The following EML5 variants were observed in gnomAD, a reference collection of about 807,000 sequenced individuals.
EML5 encodes the protein echinoderm microtubule-associated protein-like 5.
EML5 carries 120 observed loss-of-function variants against 250.0 expected under a neutral mutation model. The observed-to-expected ratio is 0.48, with a 90% CI of 0.41 to 0.56. The LOEUF (loss-of-function observed/expected upper bound fraction) is 0.56. Among genes scored for constraint, EML5 ranks in the 20% least tolerant of loss-of-function variants. The pLI is 0.00. For missense variants in EML5, 2,006 were observed against 2,437.6 expected (o/e 0.82, Z 3.73); for synonymous variants, 771 against 806.5 (o/e 0.96, Z 0.75).
intron 9 of EML5, among the ~76,000 whole-genome samples, chr14:88,714,264 A>G (rs548967478): frequency 6.6e-6 from 1 of 152,356 alleles, no homozygotes; most frequent in African/African-American, 2.4e-5. Context: ...GTACTTTACC[A>G]TACACTATAC....
chr14:88,682,721 A>C (rs2092742129), intron 20 of EML5, among the ~76,000 whole-genome samples: 1 of 152,106 alleles, frequency 6.6e-6, no homozygotes, highest in Non-Finnish European at 1.5e-5. Context: ...ATTCTTGTTG[A>C]GCTCAGCTGA....
chr14:88,626,708 A>G, intron 35 of EML5, 130 bp downstream of exon 35: 1 of 889,152 alleles, frequency 1.1e-6, no homozygotes, highest in Non-Finnish European at 1.7e-6. Flanking sequence ...GATGAAATAT[A>G]TGCTTGACCA....
intron 21 of EML5, among the ~76,000 whole-genome samples, chr14:88,677,316 AGACTTAAAT>A (rs2092617684): frequency 6.6e-6 from 1 of 152,248 alleles, no homozygotes; most frequent in South Asian, 2.1e-4. Context: ...GATGGATTAA[AGACTTAAAT>A]GTAAAACCCA....
At chr14:88,719,970 C>T (rs1277804383) in intron 8 of EML5, among the ~76,000 whole-genome samples, 1 of 152,062 alleles carries the variant, frequency 6.6e-6, no homozygotes, top group African/African-American at 2.4e-5. Flanking sequence ...CCATTGACCC[C>T]ACAGAAATAC....
Position 88,740,549 on chromosome 14 carries a change from A to G in EML5, c.549T>C (p.Ala183=), listed in dbSNP as rs1005283328. 2 of 1,610,592 alleles carry G rather than the reference A, an allele frequency of 1.2e-6. No homozygotes were observed. Among genetic ancestry groups the G allele is most frequent in the African/African-American group, 1.3e-5 (1 of 74,762 alleles). The change falls in exon 5 of 44, where the codon GCT becomes GCC. Residue 183 remains alanine, a synonymous_variant. Coordinates refer to ENST00000554922, the MANE Select transcript of EML5 (RefSeq NM_183387.3). ...CAAAGACACCTCGTTTTGGGGTCAG[A>G]GCATTTCCACATAAACTCCAGAACT... ...HIKFWSLCGN[A]LTPKRGVFGK... is the part of the protein sequence containing the mutation.
At position 88,643,014 on chromosome 14, in the gene EML5, C is replaced by T. The variant is rs1239106007; in HGVS notation, c.4116G>A (p.Val1372=). 6.3e-7 allele frequency: 1 copy of T among 1,590,746 alleles called. No individual in the cohort carries two copies. Among genetic ancestry groups the T allele is most frequent in the Non-Finnish European group, 8.5e-7 (1 of 1,173,810 alleles). The part of the protein sequence containing the change: ...GKKKRPIEDL[V]LELIFGYRGR... ...CTCGATAACCAAAAATGAGCTCCAA[C>T]ACAAGGTCCTATAATGATAATAATA... The change falls in exon 31 of 44, where the codon GTG becomes GTA. Residue 1372 remains valine, a synonymous_variant. Transcript: ENST00000554922.
chr14:88,659,404 G>C (rs2091994560), intron 25 of EML5, among the ~76,000 whole-genome samples: 1 of 152,100 alleles, frequency 6.6e-6, no homozygotes, highest in Non-Finnish European at 1.5e-5. Context: ...TAGAGACGGG[G>C]TTTCACCATG....
At position 88,618,676 on chromosome 14, in the gene EML5, A is replaced by C; in HGVS notation, c.5512T>G (p.Phe1838Val). 5 of 1,613,008 alleles carry C rather than the reference A, an allele frequency of 3.1e-6. No homozygotes were observed. The highest frequency in any genetic ancestry group is 4.2e-6 in the Non-Finnish European group (5 of 1,179,508). Reference sequence around the variant, plus strand: ...TGGAGATAACTGCTATCTGCAGAGAAGTCCATTTGAATGACAAAGCTTGGA... The same window carrying C: ...TGGAGATAACTGCTATCTGCAGAGACGTCCATTTGAATGACAAAGCTTGGA... Reference protein sequence around the residue: ...DIPSFVIQMDFSADSSYLQVS... With the variant: ...DIPSFVIQMDVSADSSYLQVS... Residue 1838 changes from phenylalanine (F) to valine (V), a missense_variant, in exon 40 of 44, where the codon TTC becomes GTC. Physicochemically the swap from Phe to Val is conservative, Grantham distance 50. Coordinates refer to ENST00000554922, the MANE Select transcript of EML5 (RefSeq NM_183387.3).
intron 22 of EML5, among the ~76,000 whole-genome samples, chr14:88,665,134 A>T (rs917530244): frequency 9.9e-5 from 15 of 152,232 alleles, no homozygotes; most frequent in Admixed American, 3.9e-4. Context: ...CAAGTCACAC[A>T]GAAAATTTAG....
chr14:88,761,544 G>A (rs920703260), intron 1 of EML5, among the ~76,000 whole-genome samples: 1 of 152,188 alleles, frequency 6.6e-6, no homozygotes, highest in Non-Finnish European at 1.5e-5. Flanking sequence ...TTTTATGGCT[G>A]CATAGCATTC....
At chr14:88,777,745 G>A (rs1191324775) in intron 1 of EML5, among the ~76,000 whole-genome samples, 2 of 152,248 alleles carry the variant, frequency 1.3e-5, no homozygotes, top group Admixed American at 1.3e-4. Flanking sequence ...GGGAGCTGAG[G>A]CAGGCAGATT....
intron 31 of EML5, among the ~76,000 whole-genome samples, chr14:88,639,694 A>G (rs2090950161): frequency 6.6e-6 from 1 of 152,098 alleles, no homozygotes; most frequent in Non-Finnish European, 1.5e-5. Flanking sequence ...CTCATGCCTC[A>G]GCCTCCCAAG....
intron 24 of EML5, among the ~76,000 whole-genome samples, chr14:88,662,448 A>G (rs1430828508): frequency 6.7e-6 from 1 of 149,476 alleles, no homozygotes; most frequent in Non-Finnish European, 1.5e-5. Context: ...CAATACTCCA[A>G]TCTTAGATGG....
Position 88,661,782 on chromosome 14 carries a change from A to G in EML5, c.3547T>C (p.Cys1183Arg). ...CCAATTACTGGCCAAATTCCTTCAC[A>G]GCATAAACCAAGTACACTTGTCCAT... ...ASWTSVLGLCCEGIWPVIGEV... is the reference protein window; with the variant it reads ...ASWTSVLGLCREGIWPVIGEV... Residue 1183 changes from cysteine to arginine, a missense_variant, in exon 25 of 44, where the codon TGT becomes CGT. This residue lies in a region of EML5 where 1,375 missense variants were observed against 1,590.3 expected (regional missense o/e 0.86). Coordinates refer to ENST00000554922, the MANE Select transcript of EML5 (RefSeq NM_183387.3). 1 of 1,613,710 alleles carries G rather than the reference A, an allele frequency of 6.2e-7. No individual in the cohort carries two copies. The highest frequency in any genetic ancestry group is 8.5e-7 in the Non-Finnish European group (1 of 1,179,772).
intron 21 of EML5, among the ~76,000 whole-genome samples, chr14:88,675,743 T>A (rs528338612): frequency 6.6e-6 from 1 of 152,336 alleles, no homozygotes; most frequent in South Asian, 2.1e-4. Flanking sequence ...TTTCCTGAAC[T>A]TTTATGCTCT....
chr14:88,645,666 G>A (rs115422294), intron 29 of EML5, among the ~76,000 whole-genome samples: 2,260 of 152,214 alleles, frequency 0.015, 57 homozygotes, highest in African/African-American at 0.051. Context: ...CTGGTTAATG[G>A]CATTGCCATC....
intron 2 of EML5, among the ~76,000 whole-genome samples, chr14:88,750,380 C>A (rs1227059320): frequency 6.6e-6 from 1 of 151,994 alleles, no homozygotes; most frequent in African/African-American, 2.4e-5. Context: ...ATGTTTGCTT[C>A]ATATCATTAT....
chr14:88,784,882 A>G (rs1167986298), intron 1 of EML5, among the ~76,000 whole-genome samples: 2 of 152,218 alleles, frequency 1.3e-5, no homozygotes, highest in Admixed American at 6.5e-5. Flanking sequence ...TCAAGGAGAT[A>G]TCTACACTCC....
intron 8 of EML5, among the ~76,000 whole-genome samples, chr14:88,723,443 GGAGTACA>G (rs1318756926): frequency 6.6e-6 from 1 of 152,162 alleles, no homozygotes; most frequent in Non-Finnish European, 1.5e-5. Context: ...ACAGGGATTA[GGAGTACA>G]GGTGGGAAAT....
Sources: gnomAD v4.1 joint callset for allele counts (sites outside exome capture counted in the v4.1 genomes callset) on GRCh38, gnomAD v4.1.1 for gene constraint, gnomAD v4.1.1 regional missense constraint, MANE v1.5 for transcripts, NCBI Gene and HGNC (gene_info 2026-07-23, HGNC 2026-07-21) for gene names.